TP53I11: variants seen among roughly 807,000 people sequenced by gnomAD.
TP53I11 encodes tumor protein p53 inducible protein 11, also known as tumor protein p53-inducible protein 11.
A neutral mutation model predicts 23.3 loss-of-function variants in TP53I11; 9 were observed. That is an observed-to-expected ratio of 0.39 (90% confidence interval 0.23 to 0.67). The LOEUF is 0.67. TP53I11 is among the 30% of genes least tolerant of loss of function. The pLI is 0.48. For synonymous variants in TP53I11, 100 were observed against 106.1 expected, an observed-to-expected ratio of 0.94 and a Z score of 0.35; for missense variants, 170 against 255.2, an observed-to-expected ratio of 0.67 and a Z score of 2.27.
Position 44,936,373 on chromosome 11 carries a change from A to C in TP53I11, c.334+430T>G. Reference sequence around the variant, plus strand: ...TGTAATTCCAAATCCTAACGTGTGCATCTCAGGTTAGAGAGGAAACAGAAG... The same window carrying C: ...TGTAATTCCAAATCCTAACGTGTGCCTCTCAGGTTAGAGAGGAAACAGAAG... On this transcript the variant is annotated intron_variant, in intron 5 of 6. Transcript: ENST00000525680. This position sits in a 1 kb window ranked among gnomAD's most constrained non-coding sequence, Gnocchi z 4.4. The C allele has an allele frequency of 8.1e-7, 1 of 1,229,898 alleles. No individual in the cohort carries two copies. Among genetic ancestry groups the C allele is most frequent in the Non-Finnish European group, 1.0e-6 (1 of 987,424 alleles). The allele number at this position is 1,229,898 out of a possible 1,614,324, so 76.2% of individuals were successfully genotyped here.
At chr11:44,938,523 CAAATGGGTTGAGG>C in intron 1 of TP53I11, 157 bp from the exon 2 acceptor site, 1 of 850,734 alleles carries the variant, frequency 1.2e-6, no homozygotes, top group Non-Finnish European at 1.7e-6. Flanking sequence ...GCTTCCTTGT[CAAATGGGTTGAGG>C]AAATGCTCTC....
At chr11:44,937,677 A>C (rs1861308387) in intron 2 of TP53I11, 64 bp from the exon 3 acceptor site, 2 of 1,542,848 alleles carry the variant, frequency 1.3e-6, no homozygotes, top group Non-Finnish European at 1.8e-6. Flanking sequence ...CCACTCGCTC[A>C]TCCTCCCAGA....
In TP53I11 at chr11:44,934,048, G is replaced by A. The variant is rs77624395; in HGVS notation, c.*836C>T. The A allele has an allele frequency of 0.01, 1,568 of 152,854 alleles. 72 individuals are homozygous for A. In the East Asian group the frequency reaches 0.12, roughly 12 times the overall value. 9.5% of individuals were successfully genotyped at this position (152,854 alleles called of 1,614,324 possible). A position where few individuals can be genotyped will look rare whatever the true frequency, so the allele number is the denominator to read the frequency against. Reference sequence around the variant, plus strand: ...CTGGTTGCAGGGAGGGGGCTCCCAGGGCATTCCAGTGTCCTAGGGTAGAGG... The same window carrying A: ...CTGGTTGCAGGGAGGGGGCTCCCAGAGCATTCCAGTGTCCTAGGGTAGAGG... On this transcript the variant is annotated 3_prime_UTR_variant, in exon 7 of 7. Coordinates refer to ENST00000525680, the MANE Select transcript of TP53I11 (RefSeq NM_006034.5).
At chr11:44,940,904 G>A (rs72903103) in intron 1 of TP53I11, 11,687 of 152,226 alleles carry the variant, frequency 0.077, 624 homozygotes, top group Non-Finnish European at 0.12. Flanking sequence ...ACCAACACTC[G>A]GTAAGGTCGG....
chr11:44,937,049 C>T (rs530253682), intron 4 of TP53I11, 150 bp from the exon 5 acceptor site: 31 of 734,520 alleles, frequency 4.2e-5, no homozygotes, highest in African/African-American at 4.1e-4. Context: ...TGTCCCCACC[C>T]GCCCCCATGC....
intron 2 of TP53I11, 131 bp from the exon 3 acceptor site, chr11:44,937,744 G>T: frequency 1.1e-6 from 1 of 870,180 alleles, no homozygotes; most frequent in East Asian, 2.7e-5. Flanking sequence ...GGTTCCCCCA[G>T]GTGGGGAGGG....
intron 1 of TP53I11, among the ~76,000 whole-genome samples, chr11:44,944,105 A>AATTGC (rs1862162983): frequency 2.6e-5 from 4 of 152,190 alleles, no homozygotes; most frequent in Admixed American, 1.3e-4. Flanking sequence ...ACAGCGCCTT[A>AATTGC]CTTGCCTTAC....
At chr11:44,942,426 CCATACACACA>C (rs1244457554) in intron 1 of TP53I11, among the ~76,000 whole-genome samples, 2 of 91,046 alleles carry the variant, frequency 2.2e-5, no homozygotes, top group African/African-American at 9.3e-5. Flanking sequence ...CACACACACA[CCATACACACA>C]CACACACACA....
At chr11:44,950,202 G>C (rs966864330) in intron 1 of TP53I11, 1 of 152,310 alleles carries the variant, frequency 6.6e-6, no homozygotes, top group Non-Finnish European at 1.5e-5. Flanking sequence ...CTCCTGCCGG[G>C]AACAATGGCG....
intron 1 of TP53I11, chr11:44,950,303 T>C (rs7937798): frequency 1 from 151,714 of 152,420 alleles, 75,508 homozygotes; most frequent in Middle Eastern, 1. Flanking sequence ...TCTCCTGCTC[T>C]GAAGCAGAAA....
Position 44,933,378 on chromosome 11 carries a change from A to G in TP53I11, c.*1506T>C, listed in dbSNP as rs1590723443. ...TATAGACACCCTCCAGCCATCCCCCACTCTATGCCAGGATGGGAAGCGAGT... is the reference window on the plus strand; with the variant it reads ...TATAGACACCCTCCAGCCATCCCCCGCTCTATGCCAGGATGGGAAGCGAGT... On this transcript the variant is annotated 3_prime_UTR_variant, in exon 7 of 7. Coordinates refer to ENST00000525680, the MANE Select transcript of TP53I11 (RefSeq NM_006034.5). The G allele has an allele frequency of 6.6e-6, 1 of 151,660 alleles. No individual in the cohort carries two copies. Among genetic ancestry groups the G allele is most frequent in the African/African-American group, 2.4e-5 (1 of 41,124 alleles). 9.4% of individuals were successfully genotyped at this position (151,660 alleles called of 1,614,324 possible). A position where few individuals can be genotyped will look rare whatever the true frequency, so the allele number is the denominator to read the frequency against.
At chr11:44,938,074 G>A (rs1861357453) in intron 2 of TP53I11, 133 bp downstream of exon 2, 10 of 1,302,522 alleles carry the variant, frequency 7.7e-6, no homozygotes, top group South Asian at 1.6e-5. Context: ...TGGCATTGCT[G>A]TTACATTTCT....
intron 1 of TP53I11, among the ~76,000 whole-genome samples, chr11:44,941,801 G>C (rs1048960572): frequency 1.3e-5 from 2 of 152,128 alleles, no homozygotes; most frequent in African/African-American, 4.8e-5. Context: ...CAAAGCCCCA[G>C]ATCTCAGTCC....
At chr11:44,948,894 G>A (rs1396637574) in intron 1 of TP53I11, among the ~76,000 whole-genome samples, 1 of 152,212 alleles carries the variant, frequency 6.6e-6, no homozygotes, top group Admixed American at 6.5e-5. Flanking sequence ...AAGCCACAAG[G>A]GGCCTGGAGG....
chr11:44,941,693 C>T (rs1861769477), intron 1 of TP53I11, among the ~76,000 whole-genome samples: 2 of 152,120 alleles, frequency 1.3e-5, no homozygotes, highest in South Asian at 2.1e-4. Context: ...CTGCCACCCT[C>T]CCCAGGCCTC....
At chr11:44,942,067 A>AT (rs878886651) in intron 1 of TP53I11, among the ~76,000 whole-genome samples, 2 of 5,748 alleles carry the variant, frequency 3.5e-4, no homozygotes, top group Admixed American at 4.0e-3. Context: ...CCACACACAT[A>AT]CCACACACAC....
At chr11:44,949,123 G>C (rs1862673168) in intron 1 of TP53I11, among the ~76,000 whole-genome samples, 1 of 152,176 alleles carries the variant, frequency 6.6e-6, no homozygotes, top group Non-Finnish European at 1.5e-5. Flanking sequence ...TTTACAGATG[G>C]GACAACAGAA....
chr11:44,945,250 G>A (rs937279120), intron 1 of TP53I11, among the ~76,000 whole-genome samples: 2 of 152,152 alleles, frequency 1.3e-5, no homozygotes, highest in African/African-American at 2.4e-5. Context: ...CACCTACCCC[G>A]GGGCTGGGAG....
At position 44,950,842 on chromosome 11, in the gene TP53I11, G is replaced by T. The variant is rs1862900913; in HGVS notation, c.-197C>A. The T allele has an allele frequency of 6.6e-6, 1 of 152,432 alleles. No homozygotes were observed. Among genetic ancestry groups the T allele is most frequent in the South Asian group, 2.0e-4 (1 of 4,938 alleles). The allele number at this position is 152,432 out of a possible 1,614,324, so 9.4% of individuals were successfully genotyped here. On this transcript the variant is annotated 5_prime_UTR_variant, in exon 1 of 7. Coordinates refer to ENST00000525680, the MANE Select transcript of TP53I11 (RefSeq NM_006034.5). ...GGGCAGGGCAGGGCCGGGCCGGCTG[G>T]ACTGCGCGCGGCGCCCTGCGCGGCC...
Sources: allele counts gnomAD v4.1 joint callset (sites outside exome capture counted in the v4.1 genomes callset), GRCh38; gene constraint gnomAD v4.1.1; non-coding constraint Gnocchi (gnomAD v3.1); transcripts MANE v1.5; gene names NCBI Gene and HGNC (gene_info 2026-07-23, HGNC 2026-07-21).